The following PPP2R3C variants were observed in gnomAD, a reference collection of about 807,000 sequenced individuals.
PPP2R3C encodes the protein serine/threonine-protein phosphatase 2A regulatory subunit B'' subunit gamma.
Under a neutral mutation model 63.7 loss-of-function variants are expected in PPP2R3C, and 47 were observed. The ratio of observed to expected loss-of-function variants is 0.74; its 90% CI spans 0.58 to 0.94. PPP2R3C has a LOEUF of 0.94. Ranked by LOEUF, PPP2R3C falls within the 40% of genes least tolerant of loss-of-function variation. PPP2R3C has a pLI of 0.00. For missense variants in PPP2R3C, 421 were observed against 518.4 expected, an observed-to-expected ratio of 0.81 and a Z score of 1.82; for synonymous variants, 180 against 177.4, an observed-to-expected ratio of 1.01 and a Z score of -0.12.
intron 10 of PPP2R3C, among the ~76,000 whole-genome samples, chr14:35,093,531 G>A (rs1041977579): frequency 6.6e-6 from 1 of 151,878 alleles, no homozygotes; most frequent in Non-Finnish European, 1.5e-5. Flanking sequence ...TTCTTTTGTT[G>A]TTACTAATGG....
intron 2 of PPP2R3C, 84 bp from the exon 3 acceptor site, chr14:35,110,713 A>G: frequency 1.2e-6 from 1 of 828,848 alleles, no homozygotes; most frequent in South Asian, 1.6e-5. Flanking sequence ...AAATAACTGT[A>G]TGCCACCGCC....
chr14:35,111,191 C>T (rs138025897), intron 2 of PPP2R3C, among the ~76,000 whole-genome samples: 1,821 of 143,102 alleles, frequency 0.013, 36 homozygotes, highest in African/African-American at 0.045. Flanking sequence ...GCTGAGATCA[C>T]GCCACTACAC....
Position 35,093,586 on chromosome 14 carries a change from A to ACC in PPP2R3C, c.975+1460_975+1461dup, listed in dbSNP as rs147591920. ...ATTGAAGCTAAATGATAAATGTAAG[A>ACC]CCCCCCCATTCTCATGACAATATGA... On this transcript the variant is annotated intron_variant, in intron 10 of 12. Transcript: ENST00000261475. 3.3e-5 allele frequency among the ~76,000 whole-genome samples: 5 copies of ACC among 151,480 alleles called. No individual in the cohort carries two copies. The East Asian group carries it at 9.7e-4, about 29-fold the overall frequency.
chr14:35,107,596 T>G, intron 5 of PPP2R3C: 2 of 507,260 alleles, frequency 3.9e-6, no homozygotes, highest in Non-Finnish European at 7.1e-6. Flanking sequence ...ATACTGTTCT[T>G]TACCAATTAA....
intron 10 of PPP2R3C, among the ~76,000 whole-genome samples, chr14:35,092,602 G>T (rs1385400332): frequency 2.6e-5 from 4 of 151,912 alleles, no homozygotes; most frequent in Non-Finnish European, 5.9e-5. Context: ...GAGTATCTGG[G>T]ATTACAGGCA....
Position 35,085,777 on chromosome 14 carries a change from TCCTG to T in PPP2R3C, c.1174-3_1174del. On this transcript the variant is annotated splice_acceptor_variant and splice_polypyrimidine_tract_variant and coding_sequence_variant and intron_variant, in exon 13 of 13. Coordinates refer to ENST00000261475, the MANE Select transcript of PPP2R3C (RefSeq NM_017917.4). LOFTEE classifies it high-confidence loss of function. ...TGGTTTTACCATGTCAAAGATTTCA[TCCTG>T]CAAGAGAAAAAAAAATACAATGAAA... 2 of 1,595,488 alleles carry T rather than the reference TCCTG, an allele frequency of 1.3e-6. No homozygotes were observed. The highest frequency in any genetic ancestry group is 3.5e-5 in the Admixed American group (2 of 56,798).
intron 7 of PPP2R3C, among the ~76,000 whole-genome samples, chr14:35,097,175 A>G (rs1156443515): frequency 1.3e-5 from 2 of 152,068 alleles, no homozygotes; most frequent in Non-Finnish European, 2.9e-5. Context: ...AGATCAAGCC[A>G]TTGTACTACA....
At chr14:35,110,787 C>T in intron 2 of PPP2R3C, 158 bp from the exon 3 acceptor site, 1 of 565,830 alleles carries the variant, frequency 1.8e-6, no homozygotes. Context: ...AACTGATCCA[C>T]AGAGAATCGG....
intron 11 of PPP2R3C, 70 bp downstream of exon 11, chr14:35,091,000 C>A: frequency 7.0e-7 from 1 of 1,436,470 alleles, no homozygotes; most frequent in Non-Finnish European, 9.5e-7. Context: ...CAGGCGTGAG[C>A]CACTGCACCG....
chr14:35,115,465 AT>A (rs1364610245), intron 2 of PPP2R3C, among the ~76,000 whole-genome samples: 5 of 141,926 alleles, frequency 3.5e-5, no homozygotes, highest in African/African-American at 2.6e-5. Flanking sequence ...CCTGGCCAAC[AT>A]TTTTTTTTTG....
upstream of PPP2R3C, chr14:35,122,062 G>T: frequency 7.9e-7 from 1 of 1,265,758 alleles, no homozygotes; most frequent in African/African-American, 1.5e-5. Context: ...GGTTAGGAAG[G>T]CCGTCCAACC....
chr14:35,093,378 T>C (rs2045893402), intron 10 of PPP2R3C, among the ~76,000 whole-genome samples: 1 of 152,124 alleles, frequency 6.6e-6, no homozygotes, highest in Non-Finnish European at 1.5e-5. Context: ...AGAATGCAGA[T>C]TGTGATCTGA....
chr14:35,111,474 T>C (rs560516737), intron 2 of PPP2R3C, among the ~76,000 whole-genome samples: 1 of 152,342 alleles, frequency 6.6e-6, no homozygotes, highest in East Asian at 1.9e-4. Context: ...ATTTAAATGA[T>C]AATAGCTCAT....
chr14:35,119,101 A>T (rs1280921924), intron 1 of PPP2R3C, among the ~76,000 whole-genome samples: 1 of 146,086 alleles, frequency 6.8e-6, no homozygotes, highest in Non-Finnish European at 1.5e-5. Flanking sequence ...GCAGTGTCGT[A>T]ATCTCAGCTC....
In PPP2R3C at chr14:35,085,758, T is replaced by C. The variant is rs755018107; in HGVS notation, c.1194A>G (p.Val398=). The C allele has an allele frequency of 1.2e-6, 2 of 1,603,298 alleles. No homozygotes were observed. Among genetic ancestry groups the C allele is most frequent in the South Asian group, 1.1e-5 (1 of 88,830 alleles). The change falls in exon 13 of 13, where the codon GTA becomes GTG. Residue 398 remains valine, a synonymous_variant. Transcript: ENST00000261475. ...AGATTTTCAAAGGATCCTTTGGTTT[T>C]ACCATGTCAAAGATTTCATCCTGCA... ...QDVKDEIFDM[V]KPKDPLKISL...
chr14:35,107,645 T>G, intron 5 of PPP2R3C: 1 of 416,462 alleles, frequency 2.4e-6, no homozygotes, highest in Non-Finnish European at 4.3e-6. Flanking sequence ...TAGTATAATA[T>G]TATGCCTTCA....
intron 1 of PPP2R3C, among the ~76,000 whole-genome samples, chr14:35,119,583 C>T (rs1249825827): frequency 1.3e-5 from 2 of 151,960 alleles, no homozygotes; most frequent in Non-Finnish European, 2.9e-5. Context: ...CTCAAGCGAT[C>T]TTCCCATCTC....
intron 10 of PPP2R3C, among the ~76,000 whole-genome samples, chr14:35,094,396 T>C (rs1355098971): frequency 6.6e-6 from 1 of 151,950 alleles, no homozygotes; most frequent in Non-Finnish European, 1.5e-5. Context: ...TTTGAACGAC[T>C]GGCCTTAAGT....
At chr14:35,108,480 A>G (rs2046432949) in intron 4 of PPP2R3C, among the ~76,000 whole-genome samples, 1 of 151,744 alleles carries the variant, frequency 6.6e-6, no homozygotes, top group African/African-American at 2.4e-5. Context: ...TGAGGCAGGC[A>G]CATCATGAGT....
Sources: allele counts gnomAD v4.1 joint callset (sites outside exome capture counted in the v4.1 genomes callset), GRCh38; gene constraint gnomAD v4.1.1; transcripts MANE v1.5; gene names NCBI Gene and HGNC (gene_info 2026-07-23, HGNC 2026-07-21).